Variants in PCDHGA10 observed in about 807,000 individuals in gnomAD.
The protein encoded by PCDHGA10 is protocadherin gamma subfamily A, 10, also known as protocadherin gamma-A10.
In PCDHGA10, 42 loss-of-function variants were observed where a neutral mutation model predicts 59.5. The ratio of observed to expected loss-of-function variants is 0.71; its 90% CI spans 0.55 to 0.91. The LOEUF is 0.91. PCDHGA10 is among the 40% of genes least tolerant of loss of function. The pLI is 0.00. For synonymous variants in PCDHGA10, 511 were observed against 517.2 expected, an observed-to-expected ratio of 0.99 and a Z score of 0.16; for missense variants, 1,111 against 1,198.2, an observed-to-expected ratio of 0.93 and a Z score of 1.07.
rs781651287 is a variant in PCDHGA10, at chr5:141,505,380, A to G, written c.2496-13A>G. ...CCTGGGAGTCTGTGCTCACCATCCT[A>G]CTCTCTCCCCAGCTCCCAAAATGGC... On this transcript the variant is annotated splice_polypyrimidine_tract_variant and intron_variant, in intron 2 of 3. Transcript: ENST00000398610. The G allele has an allele frequency of 4.3e-6, 7 of 1,613,362 alleles. No homozygotes were observed. The African/African-American group carries it at 5.4e-5, about 12-fold the overall frequency.
intron 1 of PCDHGA10, chr5:141,478,028 G>A (rs2099428840): frequency 6.2e-7 from 1 of 1,614,060 alleles, no homozygotes; most frequent in South Asian, 1.1e-5. Flanking sequence ...CCAAGACACA[G>A]ATTCACCCAG....
In PCDHGA10 at chr5:141,431,465, AACG is replaced by A; in HGVS notation, c.2436+15857_2436+15859del. 1.9e-6 allele frequency: 3 copies of A among 1,613,790 alleles called. No homozygotes were observed. The highest frequency in any genetic ancestry group is 2.5e-6 in the Non-Finnish European group (3 of 1,179,970). ...CATCCGCGTGATGGTTCTGGATGCGAACGACAACGCACCAGCGTTTGCTCAGCC... is the reference window on the plus strand; with the variant it reads ...CATCCGCGTGATGGTTCTGGATGCGAACAACGCACCAGCGTTTGCTCAGCC... On this transcript the variant is annotated intron_variant, in intron 1 of 3. Transcript: ENST00000398610. The surrounding 1 kb of genome is among the most constrained non-coding windows in gnomAD (Gnocchi z 4.8).
At position 141,491,856 on chromosome 5, in the gene PCDHGA10, C is replaced by T; in HGVS notation, c.2437-2951C>T. 1.4e-6 allele frequency: 2 copies of T among 1,458,728 alleles called. No individual in the cohort carries two copies. Among genetic ancestry groups the T allele is most frequent in the Non-Finnish European group, 1.8e-6 (2 of 1,103,072 alleles). 90.4% of individuals were successfully genotyped at this position (1,458,728 alleles called of 1,614,324 possible). A position where few individuals can be genotyped will look rare whatever the true frequency, so the allele number is the denominator to read the frequency against. ...TCTCGGGATCATTGGACCGTTTGCG[C>T]GAAACCAGAGTGGCCGATTAAGGGA... On this transcript the variant is annotated intron_variant, in intron 1 of 3. Coordinates refer to ENST00000398610, the MANE Select transcript of PCDHGA10 (RefSeq NM_018913.3). The surrounding 1 kb of genome is among the most constrained non-coding windows in gnomAD (Gnocchi z 6.9).
intron 1 of PCDHGA10, among the ~76,000 whole-genome samples, chr5:141,455,290 T>C (rs551962783): frequency 5.3e-5 from 8 of 152,206 alleles, no homozygotes; most frequent in East Asian, 1.9e-4. Flanking sequence ...TCACTTTACA[T>C]AGTTTCATCT....
In PCDHGA10 at chr5:141,493,356, C is replaced by G. The variant is rs1303319550; in HGVS notation, c.2437-1451C>G. On this transcript the variant is annotated intron_variant, in intron 1 of 3. Transcript: ENST00000398610. The surrounding 1 kb of genome is among the most constrained non-coding windows in gnomAD (Gnocchi z 4.3). ...ACTCCAGAATGTGTGCTTTTAATTT[C>G]TTGGCACTTGGAACTTTAAAAGCTT... Among the ~76,000 whole-genome samples the G allele has an allele frequency of 6.6e-6, 1 of 152,182 alleles. No individual in the cohort carries two copies. The highest frequency in any genetic ancestry group is 1.5e-5 in the Non-Finnish European group (1 of 68,032).
Position 141,431,300 on chromosome 5 carries a change from A to G in PCDHGA10, c.2436+15689A>G, listed in dbSNP as rs200375087. 7.4e-6 allele frequency: 12 copies of G among 1,614,008 alleles called. No homozygotes were observed. Among genetic ancestry groups the G allele is most frequent in the Admixed American group, 1.7e-5 (1 of 60,010 alleles). ...CAGCCCGAACACTCACTTCTCCCTC[A>G]TCGTGCAAAATGGAGCCGACGGTAG... On this transcript the variant is annotated intron_variant, in intron 1 of 3. Coordinates refer to ENST00000398610, the MANE Select transcript of PCDHGA10 (RefSeq NM_018913.3). This position sits in a 1 kb window ranked among gnomAD's most constrained non-coding sequence, Gnocchi z 4.8.
At chr5:141,509,032 A>G (rs2099873869) in intron 3 of PCDHGA10, among the ~76,000 whole-genome samples, 1 of 151,488 alleles carries the variant, frequency 6.6e-6, no homozygotes, top group African/African-American at 2.4e-5. Flanking sequence ...CTCCCACTCA[A>G]CCCCTCTCCC....
rs2095608671 is a variant in PCDHGA10 at position 141,413,148 on chromosome 5, CTT to C, written c.-26_-25del. On this transcript the variant is annotated 5_prime_UTR_variant, in exon 1 of 4. Transcript: ENST00000398610. ...AAACACACAACGTGTCCAGTGAGGACTTTGCAGAATTCTGTAACCAGACTACA... is the reference window on the plus strand; with the variant it reads ...AAACACACAACGTGTCCAGTGAGGACTGCAGAATTCTGTAACCAGACTACA... The C allele has an allele frequency of 1.3e-6, 2 of 1,570,414 alleles. No homozygotes were observed. The highest frequency in any genetic ancestry group is 1.2e-5 in the South Asian group (1 of 83,972).
Position 141,413,089 on chromosome 5 carries a change from C to A in PCDHGA10, c.-87C>A. 1 of 1,401,120 alleles carries A rather than the reference C, an allele frequency of 7.1e-7. No homozygotes were observed. Among genetic ancestry groups the A allele is most frequent in the Non-Finnish European group, 9.7e-7 (1 of 1,035,050 alleles). 86.8% of individuals were successfully genotyped at this position (1,401,120 alleles called of 1,614,324 possible). Reference sequence around the variant, plus strand: ...TTAAAGTGCCCAGGCTACAGAGACACCCTGAAGCCACAGAAAGACAAAGGA... The same window carrying A: ...TTAAAGTGCCCAGGCTACAGAGACAACCTGAAGCCACAGAAAGACAAAGGA... On this transcript the variant is annotated 5_prime_UTR_variant, in exon 1 of 4. Coordinates refer to ENST00000398610, the MANE Select transcript of PCDHGA10 (RefSeq NM_018913.3).
intron 1 of PCDHGA10, among the ~76,000 whole-genome samples, chr5:141,480,451 T>G (rs2099519323): frequency 6.6e-6 from 1 of 152,136 alleles, no homozygotes; most frequent in African/African-American, 2.4e-5. Flanking sequence ...ATAATTATTT[T>G]TATTAGTTCC....
intron 2 of PCDHGA10, among the ~76,000 whole-genome samples, chr5:141,495,128 G>T (rs1408872159): frequency 2.6e-5 from 4 of 152,160 alleles, no homozygotes; most frequent in African/African-American, 9.7e-5. Flanking sequence ...TCCCCTGAGG[G>T]CACTGTGGAA....
chr5:141,473,233 C>T (rs116489525), intron 1 of PCDHGA10, among the ~76,000 whole-genome samples: 1,684 of 152,238 alleles, frequency 0.011, 34 homozygotes, highest in African/African-American at 0.039. Flanking sequence ...ATTGGATCCA[C>T]ACAAGTGAAT....
Position 141,415,476 on chromosome 5 carries a change from G to A in PCDHGA10, c.2301G>A (p.Ser767=), listed in dbSNP as rs765634887. The A allele has an allele frequency of 6.2e-7, 1 of 1,614,076 alleles. No individual in the cohort carries two copies. Residue 767 remains serine, a synonymous_variant, in exon 1 of 4, where the codon TCG becomes TCA. Coordinates refer to ENST00000398610, the MANE Select transcript of PCDHGA10 (RefSeq NM_018913.3). ...YSHEVSLTAD[S]RKSHLIFPQP... ...ACGAGGTCTCTCTCACCGCGGACTC[G>A]CGAAAGAGTCACCTGATCTTCCCCC...
intron 1 of PCDHGA10, chr5:141,421,032 C>A: frequency 1.9e-6 from 1 of 533,288 alleles, no homozygotes; most frequent in Non-Finnish European, 3.3e-6. Flanking sequence ...GCCATTGAGT[C>A]CCTCCCTCCC....
At chr5:141,508,162 G>A (rs377676571) in intron 3 of PCDHGA10, 4 of 152,502 alleles carry the variant, frequency 2.6e-5, no homozygotes, top group African/African-American at 9.7e-5. Context: ...CCTGAGTAGA[G>A]GCTGGCACAG....
At position 141,487,370 on chromosome 5, in the gene PCDHGA10, T is replaced by C; in HGVS notation, c.2437-7437T>C. 6.2e-7 allele frequency: 1 copy of C among 1,614,232 alleles called. No individual in the cohort carries two copies. Among genetic ancestry groups the C allele is most frequent in the South Asian group, 1.1e-5 (1 of 91,080 alleles). On this transcript the variant is annotated intron_variant, in intron 1 of 3. Transcript: ENST00000398610. The surrounding 1 kb of genome is among the most constrained non-coding windows in gnomAD (Gnocchi z 5.0). ...ATGCTTTCCTGCTGGCACCTGTGCC[T>C]GTCTCACCAGATCTCGAAGGAGGGA... is the stretch of plus-strand genomic sequence containing the variant.
At chr5:141,470,227 C>A (rs1387947362) in intron 1 of PCDHGA10, among the ~76,000 whole-genome samples, 1 of 152,160 alleles carries the variant, frequency 6.6e-6, no homozygotes, top group Non-Finnish European at 1.5e-5. Flanking sequence ...AGCTTCTTCA[C>A]CAAACCCTTG....
intron 1 of PCDHGA10, chr5:141,422,699 C>T: frequency 6.2e-7 from 1 of 1,603,420 alleles, no homozygotes; most frequent in Middle Eastern, 1.7e-4. Flanking sequence ...GTCACTTACT[C>T]TCTGACGGAT....
rs1472752550 is a variant in PCDHGA10, at chr5:141,414,330, G to A, written c.1155G>A (p.Gln385=). ...ATTTAGACTCTGAGCAGAATGGACA[G>A]GTAACCTGTTCCATTTTGGCGTATC... ...VHDLDSEQNG[Q]VTCSILAYLP... is the part of the protein sequence containing the mutation. The change falls in exon 1 of 4, where the codon CAG becomes CAA. Residue 385 remains glutamine, a synonymous_variant. Coordinates refer to ENST00000398610, the MANE Select transcript of PCDHGA10 (RefSeq NM_018913.3). 1.2e-6 allele frequency: 2 copies of A among 1,613,714 alleles called. No individual in the cohort carries two copies. The highest frequency in any genetic ancestry group is 1.7e-6 in the Non-Finnish European group (2 of 1,179,744).
Sources: allele counts gnomAD v4.1 joint callset (sites outside exome capture counted in the v4.1 genomes callset), GRCh38; gene constraint gnomAD v4.1.1; non-coding constraint Gnocchi (gnomAD v3.1); transcripts MANE v1.5; gene names NCBI Gene and HGNC (gene_info 2026-07-23, HGNC 2026-07-21).